Variants in FSTL4 observed in about 807,000 individuals in gnomAD.
FSTL4 encodes follistatin like 4.
FSTL4 carries 28 observed loss-of-function variants against 78.2 expected under a neutral mutation model. That is an observed-to-expected ratio of 0.36 (90% confidence interval 0.27 to 0.49). The LOEUF (loss-of-function observed/expected upper bound fraction) is 0.49. Among genes scored for constraint, FSTL4 ranks in the 20% least tolerant of loss-of-function variants. The pLI, the probability that FSTL4 is intolerant of heterozygous loss-of-function variation, is 0.98. For missense variants in FSTL4, 922 were observed against 1,084.9 expected, an observed-to-expected ratio of 0.85 and a Z score of 2.11; for synonymous variants, 422 against 440.5, an observed-to-expected ratio of 0.96 and a Z score of 0.53.
the FSTL4 span, among the ~76,000 whole-genome samples, chr5:133,760,386 T>C: frequency 6.6e-6 from 1 of 152,198 alleles, no homozygotes; most frequent in African/African-American, 2.4e-5. Context: ...CCTCATGGCC[T>C]TCACTGTCTG....
chr5:133,463,238 C>T (rs766606851), intron 3 of FSTL4, among the ~76,000 whole-genome samples: 3 of 152,146 alleles, frequency 2.0e-5, no homozygotes, highest in Non-Finnish European at 4.4e-5. Flanking sequence ...CTTTGCAGGG[C>T]CTAATCCTTG....
chr5:133,746,337 T>C, the FSTL4 span, among the ~76,000 whole-genome samples: 1 of 152,208 alleles, frequency 6.6e-6, no homozygotes. Context: ...AAACAAAAGT[T>C]CATGAAACTA....
chr5:133,466,399 G>A lies in FSTL4; in HGVS notation c.161-65413C>T, dbSNP rs1012851320. 7.5e-4 allele frequency among the ~76,000 whole-genome samples: 114 copies of A among 152,218 alleles called. 1 individual carries two copies. In the Middle Eastern group the frequency reaches 0.017, roughly 23 times the overall value. On this transcript the variant is annotated intron_variant, in intron 3 of 15. Transcript: ENST00000265342. The stretch of plus-strand genomic sequence containing the variant: ...CTACTAAAAATACAAAAAATTAGCC[G>A]GGTGCGGTGGCAGGCGCCTGTAGTC...
At chr5:133,787,912 C>T in the FSTL4 span, among the ~76,000 whole-genome samples, 1 of 152,230 alleles carries the variant, frequency 6.6e-6, no homozygotes, top group African/African-American at 2.4e-5. Context: ...TTAGACCAAA[C>T]ATTTGCACAT....
chr5:133,370,053 C>T (rs903072013), intron 4 of FSTL4, among the ~76,000 whole-genome samples: 3 of 152,282 alleles, frequency 2.0e-5, no homozygotes, highest in African/African-American at 7.2e-5. Context: ...AATCCCCCTC[C>T]TCCAGGAAGC....
chr5:133,692,737 T>A, the FSTL4 span, among the ~76,000 whole-genome samples: 1 of 152,254 alleles, frequency 6.6e-6, no homozygotes, highest in Admixed American at 6.5e-5. Flanking sequence ...CAGGTCAGAC[T>A]CCCTCTCACT....
At chr5:133,343,449 T>C (rs749307291) in intron 4 of FSTL4, among the ~76,000 whole-genome samples, 1 of 152,200 alleles carries the variant, frequency 6.6e-6, no homozygotes, top group African/African-American at 2.4e-5. Context: ...GGCAGCTTCA[T>C]ACAGAACGTG....
chr5:133,605,268 A>C (rs530220394), intron 1 of FSTL4, among the ~76,000 whole-genome samples: 2 of 152,310 alleles, frequency 1.3e-5, no homozygotes, highest in South Asian at 4.1e-4. Flanking sequence ...GCTTAATCAC[A>C]TATGGTCCAC....
chr5:133,419,571 T>C (rs1756650353), intron 3 of FSTL4, among the ~76,000 whole-genome samples: 4 of 152,260 alleles, frequency 2.6e-5, no homozygotes, highest in Admixed American at 2.6e-4. Flanking sequence ...AGTATTTTTA[T>C]GGATATATGC....
the FSTL4 span, among the ~76,000 whole-genome samples, chr5:133,751,020 C>T: frequency 3.9e-5 from 6 of 152,104 alleles, no homozygotes; most frequent in Non-Finnish European, 8.8e-5. Context: ...CCTGTCCCCC[C>T]AGCTTGACTC....
intron 2 of FSTL4, among the ~76,000 whole-genome samples, chr5:133,600,008 T>C (rs1211558360): frequency 2.0e-5 from 3 of 152,220 alleles, no homozygotes; most frequent in African/African-American, 7.2e-5. Flanking sequence ...CTATCAATAT[T>C]GATTTTACTA....
At chr5:133,756,109 A>G in the FSTL4 span, among the ~76,000 whole-genome samples, 1 of 152,046 alleles carries the variant, frequency 6.6e-6, no homozygotes, top group East Asian at 1.9e-4. Flanking sequence ...AGCTGGCAAG[A>G]GCGGGCTTAT....
At chr5:133,333,001 CTCTG>C (rs960928756) in intron 4 of FSTL4, among the ~76,000 whole-genome samples, 1 of 150,796 alleles carries the variant, frequency 6.6e-6, no homozygotes, top group African/African-American at 2.5e-5. Context: ...TCCTCTCTCT[CTCTG>C]TCTCTCTCTC....
chr5:133,445,603 G>C (rs1445764252), intron 3 of FSTL4, among the ~76,000 whole-genome samples: 1 of 152,212 alleles, frequency 6.6e-6, no homozygotes, highest in Non-Finnish European at 1.5e-5. Flanking sequence ...CTGGGAGCCA[G>C]TTGGCCCCAC....
chr5:133,446,727 G>GT (rs1757272460), intron 3 of FSTL4, among the ~76,000 whole-genome samples: 1 of 152,182 alleles, frequency 6.6e-6, no homozygotes, highest in Admixed American at 6.5e-5. Context: ...AAAGGTTCCT[G>GT]TTTCAGCACA....
chr5:133,791,808 C>G, the FSTL4 span, among the ~76,000 whole-genome samples: 1 of 152,258 alleles, frequency 6.6e-6, no homozygotes, highest in Non-Finnish European at 1.5e-5. Flanking sequence ...GATGTGGGAG[C>G]CTGGCCCTTG....
At chr5:133,635,362 G>T in the FSTL4 span, among the ~76,000 whole-genome samples, 1 of 152,232 alleles carries the variant, frequency 6.6e-6, no homozygotes, top group Non-Finnish European at 1.5e-5. Context: ...GTCTTGATGT[G>T]AAGTAATCCA....
rs1750947482 is a variant in FSTL4 at position 133,217,442 on chromosome 5, ACTCTCTC to A, written c.1459-71_1459-65del. ...CCCTTTCCCTCCAACATCTCTAGGTACTCTCTCCCCTGACCCTCCTCTGTGCCTTTCT... is the reference window on the plus strand; with the variant it reads ...CCCTTTCCCTCCAACATCTCTAGGTACCCTGACCCTCCTCTGTGCCTTTCT... On this transcript the variant is annotated intron_variant, in intron 12 of 15. Transcript: ENST00000265342. 2.0e-6 allele frequency: 3 copies of A among 1,473,064 alleles called. No individual in the cohort carries two copies. The African/African-American group carries it at 4.2e-5, about 20-fold the overall frequency. The allele number at this position is 1,473,064 out of a possible 1,614,324, so 91.2% of individuals were successfully genotyped here. A position where few individuals can be genotyped will look rare whatever the true frequency, so the allele number is the denominator to read the frequency against.
the FSTL4 span, among the ~76,000 whole-genome samples, chr5:133,753,788 G>A: frequency 6.7e-6 from 1 of 149,928 alleles, no homozygotes; most frequent in Non-Finnish European, 1.5e-5. Context: ...CCCCATTCCT[G>A]CATAGCATCA....
Sources: gnomAD v4.1 joint callset for allele counts (sites outside exome capture counted in the v4.1 genomes callset) on GRCh38, gnomAD v4.1.1 for gene constraint, MANE v1.5 for transcripts, NCBI Gene and HGNC (gene_info 2026-07-23, HGNC 2026-07-21) for gene names.